The following POF1B variants were observed in gnomAD, a reference collection of about 807,000 sequenced individuals.
POF1B encodes protein POF1B.
POF1B carries 53 observed loss-of-function variants against 55.3 expected under a neutral mutation model. The ratio of observed to expected loss-of-function variants is 0.96; its 90% CI spans 0.77 to 1.20. POF1B has a LOEUF of 1.20. Ranked by LOEUF, POF1B falls within the 50% of genes most tolerant of loss-of-function variation. The probability of loss-of-function intolerance (pLI) is 0.00; values close to 1 mark genes in which losing one functional copy is unlikely to be tolerated. For missense variants in POF1B, 478 were observed against 420.5 expected (o/e 1.14, Z -1.20); for synonymous variants, 188 against 148.3 (o/e 1.27, Z -1.95).
At chrX:85,363,108 C>G (rs1450922073) in intron 3 of POF1B, among the ~76,000 whole-genome samples, 1 of 111,148 alleles carries the variant, frequency 9.0e-6, no homozygotes, top group African/African-American at 3.3e-5. Context: ...TTTGTCATTT[C>G]TAAGTGTGTT....
At chrX:85,324,678 C>T (rs766923928) in intron 7 of POF1B, among the ~76,000 whole-genome samples, 5 of 110,819 alleles carry the variant, frequency 4.5e-5, no homozygotes, top group Non-Finnish European at 9.4e-5. Context: ...CCACCCTGTG[C>T]CTTTTTATTG....
chrX:85,297,262 G>A (rs944872108), intron 15 of POF1B, among the ~76,000 whole-genome samples: 1 of 112,233 alleles, frequency 8.9e-6, no homozygotes, highest in African/African-American at 3.2e-5. Flanking sequence ...TTGCAGAGGA[G>A]TTGCCTTGTT....
chrX:85,366,799 C>T (rs927589821), intron 3 of POF1B, among the ~76,000 whole-genome samples: 10 of 111,677 alleles, frequency 9.0e-5, no homozygotes, highest in Non-Finnish European at 1.9e-4. Flanking sequence ...ACTTGGTGTT[C>T]GGCAAATGTA....
chrX:85,285,703 T>C (rs1257671066), intron 15 of POF1B, among the ~76,000 whole-genome samples: 1 of 108,274 alleles, frequency 9.2e-6, no homozygotes, highest in Non-Finnish European at 1.9e-5. Flanking sequence ...CTAATACAAA[T>C]GATGAGTTAA....
intron 2 of POF1B, among the ~76,000 whole-genome samples, chrX:85,374,025 A>T (rs1933880088): frequency 9.0e-6 from 1 of 111,557 alleles, no homozygotes; most frequent in African/African-American, 3.3e-5. Context: ...CAGACTAAGC[A>T]ATTTATAGAT....
chrX:85,346,631 A>G (rs1478033171), intron 5 of POF1B, among the ~76,000 whole-genome samples: 2 of 110,070 alleles, frequency 1.8e-5, no homozygotes, highest in Admixed American at 2.0e-4. Flanking sequence ...ATCTTGAGAA[A>G]CTGTATATGC....
chrX:85,348,726 G>A (rs1217444033), intron 5 of POF1B, among the ~76,000 whole-genome samples: 1 of 111,435 alleles, frequency 9.0e-6, no homozygotes, highest in African/African-American at 3.3e-5. Context: ...GCATAAACAA[G>A]TAAATATTCG....
At chrX:85,363,072 T>C (rs1248149509) in intron 3 of POF1B, among the ~76,000 whole-genome samples, 1 of 111,533 alleles carries the variant, frequency 9.0e-6, no homozygotes, top group East Asian at 2.8e-4. Flanking sequence ...AATTTTTATT[T>C]CTCTGAGGTC....
At position 85,279,022 on chromosome X, in the gene POF1B, G is replaced by A. The variant is rs190271258; in HGVS notation, c.*399C>T. On this transcript the variant is annotated 3_prime_UTR_variant, in exon 17 of 17. Coordinates refer to ENST00000262753, the MANE Select transcript of POF1B (RefSeq NM_024921.4). ...AAAAACATGATTTCATCTTGTAACT[G>A]AACTGCACATATAATATCAGAGAAA... 168 of 125,998 alleles carry A rather than the reference G, an allele frequency of 1.3e-3. 1 individual carries two copies. The highest frequency in any genetic ancestry group is 2.0e-3 in the East Asian group (9 of 4,514). The allele number at this position is 125,998 out of a possible 1,213,427, so 10.4% of individuals were successfully genotyped here.
intron 4 of POF1B, among the ~76,000 whole-genome samples, chrX:85,354,558 C>A (rs868865270): frequency 1.6e-4 from 18 of 110,798 alleles, no homozygotes; most frequent in Middle Eastern, 9.3e-3. Flanking sequence ...CTAGAAAACC[C>A]CATCATCTCA....
At chrX:85,287,767 A>T in intron 15 of POF1B, among the ~76,000 whole-genome samples, 1 of 111,678 alleles carries the variant, frequency 9.0e-6, no homozygotes, top group Middle Eastern at 4.6e-3. Context: ...CTGGTGAAAA[A>T]GCAGTCAGAG....
At chrX:85,374,656 G>A (rs886399788) in intron 2 of POF1B, among the ~76,000 whole-genome samples, 10 of 111,863 alleles carry the variant, frequency 8.9e-5, no homozygotes, top group African/African-American at 2.6e-4. Context: ...AGGTAATAAT[G>A]GTGAGTTACA....
chrX:85,352,890 G>C (rs1442788139), intron 4 of POF1B, among the ~76,000 whole-genome samples: 7 of 111,244 alleles, frequency 6.3e-5, no homozygotes, highest in Non-Finnish European at 1.1e-4. Context: ...ATGGTAGTTA[G>C]ATTTTAAAGG....
intron 3 of POF1B, among the ~76,000 whole-genome samples, chrX:85,360,522 G>GGTATGTAT (rs1555988231): frequency 1.8e-5 from 1 of 55,576 alleles, no homozygotes; most frequent in African/African-American, 9.4e-5. Context: ...AGTATTCCAT[G>GGTATGTAT]GTATGTATAT....
intron 7 of POF1B, among the ~76,000 whole-genome samples, chrX:85,323,755 G>A (rs998888185): frequency 6.3e-5 from 7 of 110,552 alleles, no homozygotes; most frequent in Non-Finnish European, 1.3e-4. Flanking sequence ...GTCTTCTACT[G>A]TCTGTGGGGT....
At chrX:85,346,795 CATT>C (rs1393508135) in intron 5 of POF1B, among the ~76,000 whole-genome samples, 1 of 110,412 alleles carries the variant, frequency 9.1e-6, no homozygotes, top group Non-Finnish European at 1.9e-5. Flanking sequence ...ACATCATCAT[CATT>C]GTCATAGTCA....
At chrX:85,323,617 AAAAT>A (rs1379876923) in intron 7 of POF1B, among the ~76,000 whole-genome samples, 29 of 105,522 alleles carry the variant, frequency 2.7e-4, no homozygotes, top group African/African-American at 8.3e-4. Context: ...AAAAAATAAA[AAAAT>A]AAAAAAAAAT....
intron 6 of POF1B, among the ~76,000 whole-genome samples, chrX:85,340,481 G>C (rs1933151506): frequency 9.0e-6 from 1 of 111,270 alleles, no homozygotes; most frequent in Non-Finnish European, 1.9e-5. Flanking sequence ...GCAAGAGAAA[G>C]AGACATTCAG....
At chrX:85,329,914 G>A (rs1030889306) in intron 7 of POF1B, among the ~76,000 whole-genome samples, 7 of 109,035 alleles carry the variant, frequency 6.4e-5, no homozygotes, top group East Asian at 2.8e-4. Flanking sequence ...GTGAGAAAAC[G>A]TACAAAATAG....
Sources: gnomAD v4.1 joint callset for allele counts (sites outside exome capture counted in the v4.1 genomes callset) on GRCh38, gnomAD v4.1.1 for gene constraint, MANE v1.5 for transcripts, NCBI Gene and HGNC (gene_info 2026-07-23, HGNC 2026-07-21) for gene names.